Variants in IKZF3 observed in about 807,000 individuals in gnomAD.
IKZF3 encodes zinc finger protein Aiolos.
In IKZF3, 10 loss-of-function variants were observed where a neutral mutation model predicts 49.0. That is an observed-to-expected ratio of 0.20 (90% CI 0.13 to 0.35). The LOEUF is 0.35. IKZF3 is among the 10% of genes least tolerant of loss of function. IKZF3 has a pLI of 1.00. For missense variants in IKZF3, 498 were observed against 664.8 expected, an observed-to-expected ratio of 0.75 and a Z score of 2.76; for synonymous variants, 209 against 228.2, an observed-to-expected ratio of 0.92 and a Z score of 0.76.
intron 3 of IKZF3, among the ~76,000 whole-genome samples, chr17:39,828,882 T>C (rs1055448465): frequency 6.6e-6 from 1 of 151,958 alleles, no homozygotes; most frequent in African/African-American, 2.4e-5. Flanking sequence ...GCGCCTGTAA[T>C]CTCGGCTATT....
intron 3 of IKZF3, among the ~76,000 whole-genome samples, chr17:39,819,436 G>T (rs2144180518): frequency 6.6e-6 from 1 of 152,214 alleles, no homozygotes; most frequent in South Asian, 2.1e-4. Flanking sequence ...TCACCTTCAA[G>T]AAGTTGCACG....
At chr17:39,771,418 A>C (rs532141089) in intron 7 of IKZF3, among the ~76,000 whole-genome samples, 1 of 152,372 alleles carries the variant, frequency 6.6e-6, no homozygotes, top group Admixed American at 6.5e-5. Flanking sequence ...ACAAAATTGC[A>C]ATCCACTAGA....
chr17:39,830,790 G>A (rs113479772), intron 2 of IKZF3, among the ~76,000 whole-genome samples: 3,634 of 152,264 alleles, frequency 0.024, 59 homozygotes, highest in Non-Finnish European at 0.036. Context: ...CTGAAGTAGG[G>A]AGGTAACTAG....
chr17:39,845,660 A>G (rs987668668), intron 1 of IKZF3, among the ~76,000 whole-genome samples: 2 of 152,218 alleles, frequency 1.3e-5, no homozygotes, highest in African/African-American at 2.4e-5. Context: ...TGCAAAGCCT[A>G]AAACATTCAC....
intron 2 of IKZF3, among the ~76,000 whole-genome samples, chr17:39,831,147 C>T (rs111734595): frequency 0.024 from 3,632 of 152,070 alleles, 60 homozygotes; most frequent in Non-Finnish European, 0.036. Context: ...TTTGGGAGGC[C>T]GAGGCGGGCG....
At chr17:39,810,599 A>G (rs1036491468) in intron 3 of IKZF3, among the ~76,000 whole-genome samples, 1 of 148,936 alleles carries the variant, frequency 6.7e-6, no homozygotes, top group Non-Finnish European at 1.5e-5. Flanking sequence ...TGTTCATCCC[A>G]TTATATGTAT....
chr17:39,837,477 T>A (rs1487018218), intron 1 of IKZF3, among the ~76,000 whole-genome samples: 5 of 151,500 alleles, frequency 3.3e-5, no homozygotes, highest in Non-Finnish European at 7.4e-5. Context: ...AGGGTCTTGC[T>A]TTGTTGCCAA....
At chr17:39,850,333 ATAT>A (rs2062779049) in intron 1 of IKZF3, among the ~76,000 whole-genome samples, 1 of 138,380 alleles carries the variant, frequency 7.2e-6, no homozygotes, top group Non-Finnish European at 1.5e-5. Flanking sequence ...AATATATAGC[ATAT>A]TATACATGTA....
intron 1 of IKZF3, among the ~76,000 whole-genome samples, chr17:39,838,527 T>A (rs945279027): frequency 1.3e-5 from 2 of 152,196 alleles, no homozygotes; most frequent in Non-Finnish European, 2.9e-5. Flanking sequence ...TTCCTTTATA[T>A]CCTTTTCATT....
At chr17:39,806,628 G>A (rs548950612) in intron 3 of IKZF3, among the ~76,000 whole-genome samples, 3 of 152,074 alleles carry the variant, frequency 2.0e-5, no homozygotes, top group Non-Finnish European at 2.9e-5. Context: ...ACCCTCATCC[G>A]TTGCTGGTGG....
chr17:39,806,137 C>A (rs2061427226), intron 3 of IKZF3, among the ~76,000 whole-genome samples: 1 of 152,060 alleles, frequency 6.6e-6, no homozygotes, highest in Non-Finnish European at 1.5e-5. Context: ...AATTTGACTT[C>A]CGTGAATTTT....
intron 7 of IKZF3, among the ~76,000 whole-genome samples, chr17:39,770,808 C>CTT (rs35880653): frequency 1.3e-3 from 184 of 136,914 alleles, no homozygotes; most frequent in African/African-American, 4.6e-3. Flanking sequence ...GGGGTTGATA[C>CTT]TTTTTTTTTT....
chr17:39,794,285 C>G (rs2143909623), intron 3 of IKZF3, among the ~76,000 whole-genome samples: 1 of 152,316 alleles, frequency 6.6e-6, no homozygotes, highest in Non-Finnish European at 1.5e-5. Flanking sequence ...TAAGTGGGTT[C>G]TTACCAACTG....
intron 1 of IKZF3, among the ~76,000 whole-genome samples, chr17:39,837,088 C>T (rs550713248): frequency 1.3e-5 from 2 of 151,568 alleles, no homozygotes; most frequent in South Asian, 4.2e-4. Context: ...CACCACCATG[C>T]CTGGCTAATT....
chr17:39,842,878 C>T (rs2062520029), intron 1 of IKZF3, among the ~76,000 whole-genome samples: 1 of 152,180 alleles, frequency 6.6e-6, no homozygotes, highest in Non-Finnish European at 1.5e-5. Context: ...ATGTGGTCAT[C>T]ATCAGTAATG....
chr17:39,849,883 T>C (rs915525871), intron 1 of IKZF3, among the ~76,000 whole-genome samples: 2 of 151,582 alleles, frequency 1.3e-5, no homozygotes, highest in African/African-American at 2.4e-5. Context: ...AACAAAAAGA[T>C]GTGGAACAAG....
chr17:39,776,823 G>A (rs1287466113), intron 7 of IKZF3, among the ~76,000 whole-genome samples: 1 of 152,170 alleles, frequency 6.6e-6, no homozygotes, highest in African/African-American at 2.4e-5. Context: ...GGAAAAAGAG[G>A]CTGAGACAGG....
In IKZF3 at chr17:39,766,086, G is replaced by C. The variant is rs139539885; in HGVS notation, c.1234C>G (p.Arg412Gly). ...QQNHMVLSRA[R>G]NGMPLLKEVP... The stretch of plus-strand genomic sequence containing the variant: ...TCCTTCAGAAGTGGCATCCCATTGC[G>C]GGCCCGAGACAGGACCATGTGATTT... The change falls in exon 8 of 8, where the codon CGC becomes GGC. Residue 412 changes from arginine (R) to glycine (G), a missense_variant. Around this residue, in one of 3 missense-constraint regions of IKZF3, gnomAD observed 317 missense variants for 397.3 expected, o/e 0.80. Transcript: ENST00000346872. The C allele has an allele frequency of 1.3e-4, 217 of 1,614,040 alleles. No homozygotes were observed. The highest frequency in any genetic ancestry group is 1.8e-4 in the Non-Finnish European group (211 of 1,180,034).
At chr17:39,825,647 T>A (rs1272869802) in intron 3 of IKZF3, among the ~76,000 whole-genome samples, 1 of 152,180 alleles carries the variant, frequency 6.6e-6, no homozygotes, top group East Asian at 1.9e-4. Flanking sequence ...GTGAGTACTT[T>A]CCAGCAATGA....
Sources: allele counts gnomAD v4.1 joint callset (sites outside exome capture counted in the v4.1 genomes callset), GRCh38; gene constraint gnomAD v4.1.1; regional missense constraint gnomAD v4.1.1; transcripts MANE v1.5; gene names NCBI Gene and HGNC (gene_info 2026-07-23, HGNC 2026-07-21).